Variants in SAMTOR observed in about 807,000 individuals in gnomAD.
SAMTOR encodes the protein S-adenosylmethionine sensor upstream of mTORC1.
chr7:112,908,625 AG>A, the SAMTOR span, among the ~76,000 whole-genome samples: 1 of 152,234 alleles, frequency 6.6e-6, no homozygotes, highest in Non-Finnish European at 1.5e-5. Flanking sequence ...AGTATATAAC[AG>A]TATACAACAC....
chr7:112,856,853 A>G, the SAMTOR span, among the ~76,000 whole-genome samples: 1 of 152,302 alleles, frequency 6.6e-6, no homozygotes, highest in African/African-American at 2.4e-5. Flanking sequence ...ATTCAAAACT[A>G]TATAGTAAAT....
chr7:112,840,026 ATCTGCTCTACCTATTCTATGTTTCTTT>A, the SAMTOR span, among the ~76,000 whole-genome samples: 1 of 151,780 alleles, frequency 6.6e-6, no homozygotes, highest in South Asian at 2.1e-4. Flanking sequence ...TGCACTTTCT[ATCTGCTCTACCTATTCTATGTTTCTTT>A]TCTCACACTC....
At chr7:112,920,528 G>C in the SAMTOR span, among the ~76,000 whole-genome samples, 1 of 149,928 alleles carries the variant, frequency 6.7e-6, no homozygotes, top group Non-Finnish European at 1.5e-5. Context: ...CATTCCCTTT[G>C]AAAACTGGCA....
chr7:112,914,277 T>TA, the SAMTOR span, among the ~76,000 whole-genome samples: 1 of 110 alleles, frequency 9.1e-3, no homozygotes. Context: ...TAGCCTCTAG[T>TA]TTTTTTTTTT....
the SAMTOR span, among the ~76,000 whole-genome samples, chr7:112,938,826 C>G: frequency 6.6e-6 from 1 of 152,214 alleles, no homozygotes; most frequent in Non-Finnish European, 1.5e-5. Flanking sequence ...TGAGCTTCCA[C>G]AGAGGGGGTT....
the SAMTOR span, among the ~76,000 whole-genome samples, chr7:112,927,432 T>C: frequency 6.6e-6 from 1 of 152,100 alleles, no homozygotes; most frequent in Non-Finnish European, 1.5e-5. Flanking sequence ...CTTCAAGTTC[T>C]ATCAGAACTC....
the SAMTOR span, among the ~76,000 whole-genome samples, chr7:112,893,289 T>C: frequency 3.3e-5 from 5 of 152,250 alleles, no homozygotes; most frequent in African/African-American, 1.2e-4. Flanking sequence ...ATCAGTTGTT[T>C]ACTGTAGCCA....
the SAMTOR span, among the ~76,000 whole-genome samples, chr7:112,907,117 A>C: frequency 6.6e-6 from 1 of 152,158 alleles, no homozygotes; most frequent in Non-Finnish European, 1.5e-5. Context: ...TATGATTAAA[A>C]TAGTGATAGT....
the SAMTOR span, among the ~76,000 whole-genome samples, chr7:112,924,485 G>T: frequency 6.6e-6 from 1 of 152,058 alleles, no homozygotes; most frequent in Admixed American, 6.6e-5. Flanking sequence ...GAAGAGTAAG[G>T]ATACAAACAA....
chr7:112,902,429 C>CAA, the SAMTOR span, among the ~76,000 whole-genome samples: 13 of 58,614 alleles, frequency 2.2e-4, 1 homozygote, highest in African/African-American at 4.5e-4. Context: ...AAAAAAAAAA[C>CAA]AAAAAAAAAC....
chr7:112,930,172 G>A, the SAMTOR span, among the ~76,000 whole-genome samples: 7 of 152,166 alleles, frequency 4.6e-5, no homozygotes, highest in South Asian at 1.4e-3. Flanking sequence ...GGTAAGTAAA[G>A]AAACTCATGA....
chr7:112,885,191 T>C, the SAMTOR span, among the ~76,000 whole-genome samples: 1 of 152,100 alleles, frequency 6.6e-6, no homozygotes, highest in Non-Finnish European at 1.5e-5. Flanking sequence ...GATCAGCCCA[T>C]GAAACCATTT....
chr7:112,934,081 C>T, the SAMTOR span, among the ~76,000 whole-genome samples: 5 of 152,142 alleles, frequency 3.3e-5, no homozygotes, highest in African/African-American at 9.7e-5. Flanking sequence ...AACACCTTCA[C>T]TCTACTGTAA....
the SAMTOR span, chr7:112,821,963 G>A: frequency 6.2e-7 from 1 of 1,613,276 alleles, no homozygotes; most frequent in Middle Eastern, 1.7e-4. Flanking sequence ...TTCCTGGGTA[G>A]TTCCTACTAA....
At chr7:112,872,396 AAAGC>A in the SAMTOR span, among the ~76,000 whole-genome samples, 1 of 152,170 alleles carries the variant, frequency 6.6e-6, no homozygotes, top group Non-Finnish European at 1.5e-5. Context: ...AGATACAGAA[AAAGC>A]AATAGAAAAA....
the SAMTOR span, among the ~76,000 whole-genome samples, chr7:112,899,804 A>G: frequency 1.3e-5 from 2 of 150,720 alleles, no homozygotes; most frequent in Non-Finnish European, 3.0e-5. Context: ...AAAAAAAAAA[A>G]GGAAACAACT....
At chr7:112,842,872 C>T in the SAMTOR span, among the ~76,000 whole-genome samples, 1 of 151,956 alleles carries the variant, frequency 6.6e-6, no homozygotes, top group Non-Finnish European at 1.5e-5. Context: ...CACTTTACTT[C>T]CACATTAATA....
chr7:112,906,368 T>C, the SAMTOR span, among the ~76,000 whole-genome samples: 4 of 152,252 alleles, frequency 2.6e-5, no homozygotes, highest in Admixed American at 6.5e-5. Flanking sequence ...TTTCCACTGT[T>C]GATGGAGATG....
chr7:112,915,041 C>T, the SAMTOR span, among the ~76,000 whole-genome samples: 6 of 151,938 alleles, frequency 3.9e-5, no homozygotes, highest in African/African-American at 1.5e-4. Flanking sequence ...GAGTTTGAGA[C>T]CAGCCTGGCC....
Sources: gnomAD v4.1 joint callset for allele counts (sites outside exome capture counted in the v4.1 genomes callset) on GRCh38, gnomAD v4.1.1 for gene constraint, MANE v1.5 for transcripts, NCBI Gene and HGNC (gene_info 2026-07-23, HGNC 2026-07-21) for gene names.